The following SLC20A2 variants were observed in gnomAD, a reference collection of about 807,000 sequenced individuals.
The protein encoded by SLC20A2 is solute carrier family 20 member 2.
In SLC20A2, 30 loss-of-function variants were observed where a neutral mutation model predicts 61.0. The ratio of observed to expected loss-of-function variants is 0.49; its 90% CI spans 0.37 to 0.67. SLC20A2 has a LOEUF of 0.67. Among genes scored for constraint, SLC20A2 ranks in the 30% least tolerant of loss-of-function variants. The pLI, the probability that SLC20A2 is intolerant of heterozygous loss-of-function variation, is 0.00. For missense variants in SLC20A2, 626 were observed against 866.4 expected (o/e 0.72, Z 3.48); for synonymous variants, 351 against 353.3 (o/e 0.99, Z 0.07).
chr8:42,420,101 G>A (rs935901780), intron 10 of SLC20A2, among the ~76,000 whole-genome samples: 16 of 151,798 alleles, frequency 1.1e-4, no homozygotes, highest in South Asian at 6.2e-4. Context: ...CAGGAGAATC[G>A]CTTGAACTGG....
At chr8:42,492,615 T>C (rs183008766) in intron 1 of SLC20A2, among the ~76,000 whole-genome samples, 3 of 152,302 alleles carry the variant, frequency 2.0e-5, no homozygotes, top group African/African-American at 7.2e-5. Context: ...GTAACAAAGG[T>C]TCTAAACCAA....
intron 4 of SLC20A2, 191 bp from the exon 5 acceptor site, chr8:42,460,183 C>A (rs1325075708): frequency 2.0e-6 from 1 of 497,392 alleles, no homozygotes; most frequent in African/African-American, 1.9e-5. Flanking sequence ...GGGGCCATCT[C>A]TCCCACACAA....
chr8:42,454,374 T>C (rs1041604557), intron 5 of SLC20A2, among the ~76,000 whole-genome samples: 3 of 152,140 alleles, frequency 2.0e-5, no homozygotes, highest in African/African-American at 4.8e-5. Context: ...GTATGAAGCA[T>C]TGATTATGTG....
chr8:42,473,508 C>A (rs1463028220), intron 1 of SLC20A2, among the ~76,000 whole-genome samples: 1 of 152,154 alleles, frequency 6.6e-6, no homozygotes, highest in Non-Finnish European at 1.5e-5. Context: ...CTGCACAGCT[C>A]CCTCCTCCCT....
In SLC20A2 at chr8:42,421,602, C is replaced by T. The variant is rs566021669; in HGVS notation, c.1795-3635G>A. On this transcript the variant is annotated intron_variant, in intron 10 of 10. Transcript: ENST00000520262. ...GGCAGATCACCTGAGGTCAGGAGTT[C>T]GAGACCAGCCTGACCAACATGGAGA... Among the ~76,000 whole-genome samples, 77 of 152,166 alleles carry T rather than the reference C, an allele frequency of 5.1e-4. 1 individual carries two copies. In the South Asian group the frequency reaches 0.013, roughly 26 times the overall value.
At chr8:42,451,828 T>TAG (rs1805699469) in intron 5 of SLC20A2, among the ~76,000 whole-genome samples, 1 of 70,912 alleles carries the variant, frequency 1.4e-5, no homozygotes, top group Non-Finnish European at 2.7e-5. Context: ...AAGGAAGAGA[T>TAG]GAGGAGGAGA....
chr8:42,512,249 A>T (rs1811072660), intron 1 of SLC20A2, among the ~76,000 whole-genome samples: 1 of 151,958 alleles, frequency 6.6e-6, no homozygotes. Context: ...ACTGAAAATT[A>T]TCCTTTTTAG....
chr8:42,433,809 C>G (rs1804041453), intron 8 of SLC20A2, among the ~76,000 whole-genome samples: 1 of 152,206 alleles, frequency 6.6e-6, no homozygotes, highest in African/African-American at 2.4e-5. Context: ...AACGGCAGTG[C>G]TTTGAACATG....
At chr8:42,488,831 G>T (rs1327914004) in intron 1 of SLC20A2, among the ~76,000 whole-genome samples, 1 of 151,338 alleles carries the variant, frequency 6.6e-6, no homozygotes, top group East Asian at 1.9e-4. Context: ...TCACATGCTT[G>T]TTGGCCATGT....
At chr8:42,477,082 G>A (rs1037393799) in intron 1 of SLC20A2, among the ~76,000 whole-genome samples, 4 of 152,152 alleles carry the variant, frequency 2.6e-5, no homozygotes, top group Admixed American at 2.6e-4. Flanking sequence ...AAAGCATAAG[G>A]CCCCGTCGCA....
chr8:42,524,465 T>C (rs778774360), intron 1 of SLC20A2, among the ~76,000 whole-genome samples: 33 of 152,148 alleles, frequency 2.2e-4, no homozygotes, highest in African/African-American at 3.6e-4. Context: ...ACATAAAAAA[T>C]TGTGCATATC....
chr8:42,476,376 T>C (rs551451327), intron 1 of SLC20A2, among the ~76,000 whole-genome samples: 1 of 152,232 alleles, frequency 6.6e-6, no homozygotes, highest in African/African-American at 2.4e-5. Flanking sequence ...GTGCTGGGAT[T>C]ACAGGCTTGA....
rs76024861 is a variant in SLC20A2, at chr8:42,460,875, C to T, written c.517-883G>A. On this transcript the variant is annotated intron_variant, in intron 4 of 10. Transcript: ENST00000520262. ...AAAAGGGGCTAACTTCTAATAACCA[C>T]GAAGGCCACATTTACATGAACATGC... Among the ~76,000 whole-genome samples, 1,394 of 152,166 alleles carry T rather than the reference C, an allele frequency of 9.2e-3. 31 individuals carry two copies. Among genetic ancestry groups the T allele is most frequent in the African/African-American group, 0.032 (1,333 of 41,510 alleles).
chr8:42,467,615 C>G (rs1308803285), intron 2 of SLC20A2, among the ~76,000 whole-genome samples: 1 of 152,206 alleles, frequency 6.6e-6, no homozygotes, highest in African/African-American at 2.4e-5. Flanking sequence ...AGGACCCAGT[C>G]CATGAAGCAA....
chr8:42,424,615 T>C (rs1803272221), intron 10 of SLC20A2, among the ~76,000 whole-genome samples: 1 of 152,244 alleles, frequency 6.6e-6, no homozygotes, highest in African/African-American at 2.4e-5. Context: ...CAGACTGCCT[T>C]ATATATGCCT....
intron 9 of SLC20A2, 96 bp from the exon 10 acceptor site, chr8:42,428,938 G>A: frequency 1.0e-6 from 1 of 973,720 alleles, no homozygotes; most frequent in Non-Finnish European, 1.5e-6. Context: ...ATTCTCTGGG[G>A]TGACTGCCGA....
chr8:42,528,359 G>A (rs1812111656), intron 1 of SLC20A2, among the ~76,000 whole-genome samples: 1 of 151,976 alleles, frequency 6.6e-6, no homozygotes, highest in Admixed American at 6.6e-5. Context: ...CTACGCAGGA[G>A]GCTGAGGCAG....
rs564736775 is a variant in SLC20A2 at position 42,483,143 on chromosome 8, C to T, written c.-264-10489G>A. Reference sequence around the variant, plus strand: ...GGTGGATCACTTGAGGTCAGGAGTTCGAGACCACCCTGGCCAACATGGTGA... The same window carrying T: ...GGTGGATCACTTGAGGTCAGGAGTTTGAGACCACCCTGGCCAACATGGTGA... On this transcript the variant is annotated intron_variant, in intron 1 of 10. Coordinates refer to ENST00000520262, the MANE Select transcript of SLC20A2 (RefSeq NM_001257180.2). Among the ~76,000 whole-genome samples, 7 of 151,906 alleles carry T rather than the reference C, an allele frequency of 4.6e-5. No homozygotes were observed. In the South Asian group the frequency reaches 1.3e-3, roughly 27 times the overall value.
chr8:42,463,908 G>A (rs555449652), intron 3 of SLC20A2, among the ~76,000 whole-genome samples: 11 of 151,882 alleles, frequency 7.2e-5, no homozygotes, highest in African/African-American at 1.9e-4. Context: ...TATCGTTCAC[G>A]ATGGGTGGGA....
Sources: allele counts gnomAD v4.1 joint callset (sites outside exome capture counted in the v4.1 genomes callset), GRCh38; gene constraint gnomAD v4.1.1; transcripts MANE v1.5; gene names NCBI Gene and HGNC (gene_info 2026-07-23, HGNC 2026-07-21).